CFAP54: variants seen among roughly 807,000 people sequenced by gnomAD.
The protein encoded by CFAP54 is cilia- and flagella-associated protein 54.
In CFAP54, 290 loss-of-function variants were observed where a neutral mutation model predicts 370.4. The observed-to-expected ratio is 0.78, with a 90% CI of 0.71 to 0.86. The LOEUF (loss-of-function observed/expected upper bound fraction) is 0.86. Among genes scored for constraint, CFAP54 ranks in the 40% least tolerant of loss-of-function variants. CFAP54 has a pLI of 0.00. For missense variants in CFAP54, 3,399 were observed against 3,528.7 expected (o/e 0.96, Z 0.93); for synonymous variants, 1,206 against 1,236.5 (o/e 0.98, Z 0.52).
chr12:96,742,824 C>T (rs1458314824), intron 52 of CFAP54, among the ~76,000 whole-genome samples: 5 of 152,064 alleles, frequency 3.3e-5, no homozygotes, highest in Admixed American at 6.6e-5. Context: ...TTTCATAATA[C>T]GAATGACCAG....
intron 36 of CFAP54, among the ~76,000 whole-genome samples, chr12:96,652,202 T>C (rs2136504670): frequency 6.6e-6 from 1 of 152,338 alleles, no homozygotes; most frequent in East Asian, 1.9e-4. Context: ...TGTTCTATTA[T>C]TCTGGTCTGC....
chr12:96,661,988 G>GCT (rs1218577758), intron 38 of CFAP54, among the ~76,000 whole-genome samples: 1 of 152,064 alleles, frequency 6.6e-6, no homozygotes, highest in Non-Finnish European at 1.5e-5. Context: ...CTCCTCTCTT[G>GCT]CTCTCACACC....
At chr12:96,519,259 C>T (rs1822014) in intron 6 of CFAP54, among the ~76,000 whole-genome samples, 188 bp downstream of exon 6, 61,390 of 151,848 alleles carry the variant, frequency 0.4, 12,913 homozygotes, top group South Asian at 0.46. Context: ...CCACCATGCC[C>T]GGCTAATTTT....
rs141033121 is a variant in CFAP54 at position 96,716,353 on chromosome 12, G to C, written c.6725-2090G>C. ...GATTTTGCTGGAAGCACATCTGCCT[G>C]AAACCTGCCTGAACATTGAAAGGAT... is the stretch of plus-strand genomic sequence containing the variant. On this transcript the variant is annotated intron_variant, in intron 48 of 67. Coordinates refer to ENST00000524981, the MANE Select transcript of CFAP54 (RefSeq NM_001306084.2). 8.5e-5 allele frequency among the ~76,000 whole-genome samples: 13 copies of C among 152,348 alleles called. No homozygotes were observed. The East Asian group carries it at 2.5e-3, about 29-fold the overall frequency.
In CFAP54 at chr12:96,769,310, C is replaced by G. The variant is rs140567806; in HGVS notation, c.8281+4092C>G. On this transcript the variant is annotated intron_variant, in intron 60 of 67. Transcript: ENST00000524981. ...TACTGGTCCCAGATGCAGCCTCTTA[C>G]TACTACATAAACAATATATACAGAA... 4.9e-4 allele frequency among the ~76,000 whole-genome samples: 74 copies of G among 152,302 alleles called. 1 individual carries two copies. The highest frequency in any genetic ancestry group is 1.7e-3 in the African/African-American group (69 of 41,554).
chr12:96,744,260 A>G, intron 55 of CFAP54, 114 bp downstream of exon 55: 4 of 904,802 alleles, frequency 4.4e-6, no homozygotes, highest in South Asian at 3.6e-5. Flanking sequence ...ATGAATACTC[A>G]GGCTCCATTT....
At chr12:96,528,531 C>G (rs2136375836) in intron 9 of CFAP54, among the ~76,000 whole-genome samples, 1 of 152,192 alleles carries the variant, frequency 6.6e-6, no homozygotes, top group Non-Finnish European at 1.5e-5. Context: ...TTTCTTCCTA[C>G]ATGTTTAGTT....
At chr12:96,494,721 GTTATTA>G (rs540519185) in intron 1 of CFAP54, among the ~76,000 whole-genome samples, 1 of 151,730 alleles carries the variant, frequency 6.6e-6, no homozygotes, top group Non-Finnish European at 1.5e-5. Context: ...TTGACAGATG[GTTATTA>G]TTATTATTAT....
chr12:96,565,946 G>A (rs981737458), intron 19 of CFAP54, among the ~76,000 whole-genome samples: 1 of 152,156 alleles, frequency 6.6e-6, no homozygotes, highest in Non-Finnish European at 1.5e-5. Context: ...CCTCCATCCT[G>A]TTCTCATGAA....
chr12:96,546,645 A>G lies in CFAP54; in HGVS notation c.2078-1257A>G, dbSNP rs573493464. ...GGAGTTCAAGACCAGTATGGCCAACATGGTGAAACCCTGCCTCTACTAAAA... is the reference window on the plus strand; with the variant it reads ...GGAGTTCAAGACCAGTATGGCCAACGTGGTGAAACCCTGCCTCTACTAAAA... On this transcript the variant is annotated intron_variant, in intron 14 of 67. Coordinates refer to ENST00000524981, the MANE Select transcript of CFAP54 (RefSeq NM_001306084.2). Among the ~76,000 whole-genome samples the G allele has an allele frequency of 7.2e-5, 11 of 152,318 alleles. No homozygotes were observed. The South Asian group carries it at 2.3e-3, about 32-fold the overall frequency.
chr12:96,609,435 T>C (rs893331840), intron 26 of CFAP54, among the ~76,000 whole-genome samples: 6 of 152,210 alleles, frequency 3.9e-5, no homozygotes, highest in African/African-American at 9.7e-5. Flanking sequence ...AAAGAAGCTA[T>C]TGAATAATGA....
chr12:96,766,432 G>C lies in CFAP54; in HGVS notation c.8281+1214G>C, dbSNP rs187864968. Among the ~76,000 whole-genome samples the C allele has an allele frequency of 4.6e-3, 704 of 152,176 alleles. 1 individual carries two copies. The highest frequency in any genetic ancestry group is 8.4e-3 in the Non-Finnish European group (574 of 67,992). On this transcript the variant is annotated intron_variant, in intron 60 of 67. Coordinates refer to ENST00000524981, the MANE Select transcript of CFAP54 (RefSeq NM_001306084.2). ...CCATTGACCCTACACAGGGCAGTTCGGCAGCCCAGCAGCCAGGAGGAGCTG... is the reference window on the plus strand; with the variant it reads ...CCATTGACCCTACACAGGGCAGTTCCGCAGCCCAGCAGCCAGGAGGAGCTG...
At chr12:96,706,238 C>T (rs187452662) in intron 47 of CFAP54, among the ~76,000 whole-genome samples, 42 of 152,046 alleles carry the variant, frequency 2.8e-4, no homozygotes, top group East Asian at 1.4e-3. Context: ...GTGCATTAGA[C>T]GGAGAACCAT....
intron 66 of CFAP54, among the ~76,000 whole-genome samples, chr12:96,847,251 T>C (rs1316361172): frequency 6.6e-6 from 1 of 151,560 alleles, no homozygotes. Flanking sequence ...CCGCCCTCCC[T>C]CCCAGCACTC....
rs1179608887 is a variant in CFAP54, at chr12:96,527,302, T to A, written c.1215T>A (p.Thr405=). The A allele has an allele frequency of 2.0e-6, 3 of 1,535,722 alleles. No homozygotes were observed. The highest frequency in any genetic ancestry group is 2.6e-6 in the Non-Finnish European group (3 of 1,146,708). The change falls in exon 9 of 68, where the codon ACT becomes ACA. Residue 405 remains threonine (T), a synonymous_variant. Transcript: ENST00000524981. ...ERLLDEMFDS[T]ASQFLAVLEA... ...TACTGGATGAGATGTTTGATAGCAC[T>A]GCATCCCAGTTTCTGGCTGTCTTGG...
intron 36 of CFAP54, among the ~76,000 whole-genome samples, chr12:96,656,442 A>G (rs1442275246): frequency 1.3e-5 from 2 of 152,088 alleles, no homozygotes; most frequent in African/African-American, 4.8e-5. Flanking sequence ...CAATGGCACA[A>G]TCTCGACTCA....
intron 66 of CFAP54, among the ~76,000 whole-genome samples, chr12:96,844,759 T>TC (rs1566000501): frequency 1.3e-5 from 2 of 152,084 alleles, no homozygotes; most frequent in Admixed American, 1.3e-4. Flanking sequence ...ACCTGGGCAC[T>TC]CCCCCAGCTC....
intron 66 of CFAP54, among the ~76,000 whole-genome samples, chr12:96,855,544 G>T (rs1366482657): frequency 6.6e-6 from 1 of 152,176 alleles, no homozygotes; most frequent in Non-Finnish European, 1.5e-5. Flanking sequence ...AAATAAAGGG[G>T]CTACAGGCCC....
intron 21 of CFAP54, 85 bp from the exon 22 acceptor site, chr12:96,580,835 T>A (rs1956026082): frequency 1.7e-6 from 2 of 1,181,320 alleles, no homozygotes; most frequent in South Asian, 2.0e-5. Context: ...GGTTTTTTTT[T>A]AATAGAAGGT....
Sources: gnomAD v4.1 joint callset for allele counts (sites outside exome capture counted in the v4.1 genomes callset) on GRCh38, gnomAD v4.1.1 for gene constraint, MANE v1.5 for transcripts, NCBI Gene and HGNC (gene_info 2026-07-23, HGNC 2026-07-21) for gene names.